Variants in MED12L observed in about 807,000 individuals in gnomAD.
MED12L encodes the protein mediator of RNA polymerase II transcription subunit 12-like protein.
A neutral mutation model predicts 281.3 loss-of-function variants in MED12L; 60 were observed. The ratio of observed to expected loss-of-function variants is 0.21; its 90% CI spans 0.17 to 0.26. The LOEUF (loss-of-function observed/expected upper bound fraction) is 0.26, where lower values mean the gene tolerates loss of function less well. MED12L is among the 10% of genes least tolerant of loss of function. The probability of loss-of-function intolerance (pLI) is 1.00; values close to 1 mark genes in which losing one functional copy is unlikely to be tolerated. For missense variants in MED12L, 2,146 were observed against 2,680.9 expected, an observed-to-expected ratio of 0.80 and a Z score of 4.41; for synonymous variants, 974 against 987.2, an observed-to-expected ratio of 0.99 and a Z score of 0.25.
At chr3:151,153,004 A>G (rs60932660) in intron 5 of MED12L, among the ~76,000 whole-genome samples, 2,807 of 152,294 alleles carry the variant, frequency 0.018, 100 homozygotes, top group African/African-American at 0.064. Context: ...CTTGTATGTA[A>G]TGTGACACAT....
intron 5 of MED12L, among the ~76,000 whole-genome samples, chr3:151,147,984 G>A (rs1000216599): frequency 3.3e-5 from 5 of 152,034 alleles, no homozygotes; most frequent in East Asian, 3.9e-4. Flanking sequence ...TTATATTCCC[G>A]TGGGGAACAC....
intron 5 of MED12L, among the ~76,000 whole-genome samples, chr3:151,137,805 A>C (rs906532352): frequency 6.7e-6 from 1 of 148,318 alleles, no homozygotes; most frequent in Admixed American, 6.7e-5. Flanking sequence ...AGTATGTGAA[A>C]TTTTTTTTTT....
chr3:151,357,883 CT>C (rs1376069046), intron 20 of MED12L, among the ~76,000 whole-genome samples: 3 of 152,178 alleles, frequency 2.0e-5, no homozygotes, highest in African/African-American at 7.2e-5. Flanking sequence ...GCTTACTCTA[CT>C]AATGAAGTTG....
At chr3:151,291,368 G>A (rs1326614493) in intron 16 of MED12L, among the ~76,000 whole-genome samples, 2 of 152,064 alleles carry the variant, frequency 1.3e-5, no homozygotes, top group Non-Finnish European at 2.9e-5. Context: ...ATTTCAAATT[G>A]AGGGTAAAAT....
chr3:151,142,370 A>G (rs924360075), intron 5 of MED12L, among the ~76,000 whole-genome samples: 5 of 152,250 alleles, frequency 3.3e-5, no homozygotes, highest in African/African-American at 1.2e-4. Context: ...TTTGTTGGGC[A>G]TCTTGCAGAT....
At chr3:151,406,946 C>T (rs1716382734) in intron 39 of MED12L, among the ~76,000 whole-genome samples, 2 of 151,968 alleles carry the variant, frequency 1.3e-5, no homozygotes, top group African/African-American at 4.8e-5. Context: ...ACTACAGGCA[C>T]GTGTCAGCAC....
chr3:151,258,830 C>T (rs907877400), intron 16 of MED12L, among the ~76,000 whole-genome samples: 13 of 129,980 alleles, frequency 1.0e-4, no homozygotes, highest in Admixed American at 5.4e-4. Flanking sequence ...CCAGCCTGGG[C>T]GACAGAGCAA....
chr3:151,366,415 A>G (rs932575886), intron 23 of MED12L, among the ~76,000 whole-genome samples: 5 of 152,210 alleles, frequency 3.3e-5, no homozygotes, highest in African/African-American at 1.2e-4. Flanking sequence ...ATACAAATAA[A>G]GGCTTTGTTG....
chr3:151,340,763 A>AGAGAGAAATAGAAG (rs1326813354), intron 16 of MED12L: 1 of 152,620 alleles, frequency 6.6e-6, no homozygotes, highest in Non-Finnish European at 1.5e-5. Context: ...TGAGTGCTCT[A>AGAGAGAAATAGAAG]GAGAGAAATA....
At chr3:151,284,665 A>G (rs1577229874) in intron 16 of MED12L, among the ~76,000 whole-genome samples, 1 of 152,094 alleles carries the variant, frequency 6.6e-6, no homozygotes, top group African/African-American at 2.4e-5. Context: ...CTGGAGTGCA[A>G]TGGCGTGATC....
intron 16 of MED12L, among the ~76,000 whole-genome samples, chr3:151,203,853 A>G (rs551413059): frequency 2.4e-4 from 37 of 152,270 alleles, no homozygotes; most frequent in Non-Finnish European, 4.6e-4. Flanking sequence ...ATAATTTTTC[A>G]TTGAAGAATA....
chr3:151,145,506 T>A (rs1717638991), intron 5 of MED12L, among the ~76,000 whole-genome samples: 1 of 152,342 alleles, frequency 6.6e-6, no homozygotes, highest in Non-Finnish European at 1.5e-5. Flanking sequence ...GCATTTTAAA[T>A]CTGGCGTATT....
chr3:151,396,459 C>T (rs1425029213), intron 39 of MED12L, among the ~76,000 whole-genome samples: 1 of 151,994 alleles, frequency 6.6e-6, no homozygotes, highest in East Asian at 1.9e-4. Context: ...GAAACTCTGT[C>T]TCTACTAAAT....
In MED12L at chr3:151,384,051, T is replaced by C. The variant is rs772639748; in HGVS notation, c.4791-32T>C. On this transcript the variant is annotated intron_variant, in intron 34 of 44. Transcript: ENST00000687756. ...TTAAATAAGTGTATTTCAGTTTCAC[T>C]TTAAGATGAAAATAATTATTTTCTT... 5.0e-6 allele frequency: 8 copies of C among 1,596,318 alleles called. No homozygotes were observed. The South Asian group carries it at 9.1e-5, about 18-fold the overall frequency.
At chr3:151,086,107 G>A (rs1461993131) in intron 1 of MED12L, among the ~76,000 whole-genome samples, 171 bp downstream of exon 1, 1 of 152,150 alleles carries the variant, frequency 6.6e-6, no homozygotes, top group Non-Finnish European at 1.5e-5. Flanking sequence ...GGTTAAGTCG[G>A]CCCCACGCCA....
intron 13 of MED12L, among the ~76,000 whole-genome samples, chr3:151,190,046 A>G (rs940446622): frequency 2.0e-5 from 3 of 152,226 alleles, no homozygotes; most frequent in Non-Finnish European, 2.9e-5. Context: ...CTCAAGCTAG[A>G]AAAAGCAGTC....
At chr3:151,147,884 G>C (rs144300815) in intron 5 of MED12L, among the ~76,000 whole-genome samples, 1 of 152,184 alleles carries the variant, frequency 6.6e-6, no homozygotes, top group African/African-American at 2.4e-5. Context: ...GTTCTCCTGG[G>C]TATGTATAAC....
intron 2 of MED12L, among the ~76,000 whole-genome samples, chr3:151,101,076 T>G (rs1228450302): frequency 1.3e-5 from 2 of 152,222 alleles, no homozygotes; most frequent in African/African-American, 2.4e-5. Flanking sequence ...ATACTCTTAG[T>G]TTTTGCACAT....
chr3:151,393,485 G>C (rs1401598054), intron 38 of MED12L, among the ~76,000 whole-genome samples: 2 of 152,084 alleles, frequency 1.3e-5, no homozygotes, highest in Non-Finnish European at 2.9e-5. Flanking sequence ...ATGACTTCTA[G>C]TTCTGTCCTG....
Sources: allele counts gnomAD v4.1 joint callset (sites outside exome capture counted in the v4.1 genomes callset), GRCh38; gene constraint gnomAD v4.1.1; transcripts MANE v1.5; gene names NCBI Gene and HGNC (gene_info 2026-07-23, HGNC 2026-07-21).